The following TIMD4 variants were observed in gnomAD, a reference collection of about 807,000 sequenced individuals.
TIMD4 encodes the protein T cell immunoglobulin and mucin domain containing 4, also known as T-cell immunoglobulin and mucin domain-containing protein 4.
A neutral mutation model predicts 41.2 loss-of-function variants in TIMD4; 31 were observed. The ratio of observed to expected loss-of-function variants is 0.75; its 90% CI spans 0.57 to 1.01. The LOEUF (loss-of-function observed/expected upper bound fraction) is 1.01, where lower values mean the gene tolerates loss of function less well. Among genes scored for constraint, TIMD4 ranks in the 50% least tolerant of loss-of-function variants. The pLI, the probability that TIMD4 is intolerant of heterozygous loss-of-function variation, is 0.00. For synonymous variants in TIMD4, 204 were observed against 177.1 expected, an observed-to-expected ratio of 1.15 and a Z score of -1.21; for missense variants, 479 against 472.5, an observed-to-expected ratio of 1.01 and a Z score of -0.13.
intron 1 of TIMD4, among the ~76,000 whole-genome samples, chr5:156,960,819 G>A (rs987980036): frequency 6.6e-6 from 1 of 152,222 alleles, no homozygotes; most frequent in African/African-American, 2.4e-5. Context: ...AGAGTACCTA[G>A]GAAGATAGTC....
intron 5 of TIMD4, among the ~76,000 whole-genome samples, chr5:156,946,653 ATT>A (rs757799060): frequency 3.6e-5 from 5 of 139,734 alleles, no homozygotes; most frequent in Admixed American, 7.2e-5. Context: ...ATTTTTTTGT[ATT>A]TTTTTTTTTT....
intron 2 of TIMD4, among the ~76,000 whole-genome samples, chr5:156,953,320 A>C (rs1008739533): frequency 7.9e-5 from 12 of 152,174 alleles, no homozygotes; most frequent in African/African-American, 2.7e-4. Context: ...CATTTACATC[A>C]GTTGGCCTCA....
chr5:156,950,663 G>A (rs1349958782), intron 3 of TIMD4, among the ~76,000 whole-genome samples: 1 of 152,066 alleles, frequency 6.6e-6, no homozygotes, highest in Non-Finnish European at 1.5e-5. Context: ...CTCAGTGAGA[G>A]GTACAAGTTG....
chr5:156,931,346 C>A (rs1456240977), intron 5 of TIMD4, among the ~76,000 whole-genome samples: 2 of 152,128 alleles, frequency 1.3e-5, no homozygotes, highest in Non-Finnish European at 2.9e-5. Context: ...CTAAGACCTT[C>A]CAAAAGAACA....
chr5:156,959,447 A>C (rs1400728716), intron 1 of TIMD4, among the ~76,000 whole-genome samples: 1 of 152,204 alleles, frequency 6.6e-6, no homozygotes, highest in Non-Finnish European at 1.5e-5. Flanking sequence ...ATTAGAATTT[A>C]GAAATAAGAC....
At position 156,919,459 on chromosome 5, in the gene TIMD4, A is replaced by G; in HGVS notation, c.1135T>C (p.Ter379GlnextTer8). The stretch of plus-strand genomic sequence containing the variant: ...CAATCTAACATGCTACTGCGTTGTT[A>G]GAGGGTAAAAAGGCCGTCTTCGTCT... ...REDEDGLFTL* is the reference protein window; with the variant it reads ...REDEDGLFTLQ The change falls in exon 9 of 9, where the codon TAA (stop) becomes CAA (glutamine). Residue 379 changes from the stop codon to glutamine (Q), a stop_lost. Coordinates refer to ENST00000274532, the MANE Select transcript of TIMD4 (RefSeq NM_138379.3). 7 of 1,613,950 alleles carry G rather than the reference A, an allele frequency of 4.3e-6. No individual in the cohort carries two copies. The highest frequency in any genetic ancestry group is 5.9e-6 in the Non-Finnish European group (7 of 1,179,830).
chr5:156,959,775 C>T (rs1291135489), intron 1 of TIMD4, among the ~76,000 whole-genome samples: 1 of 152,152 alleles, frequency 6.6e-6, no homozygotes, highest in Non-Finnish European at 1.5e-5. Context: ...TGTGGTGGCT[C>T]ACACCTGTAA....
At chr5:156,923,026 T>C (rs1482255062) in intron 6 of TIMD4, among the ~76,000 whole-genome samples, 1 of 152,144 alleles carries the variant, frequency 6.6e-6, no homozygotes, top group Non-Finnish European at 1.5e-5. Context: ...AACTTGCACA[T>C]GTACCCCTGA....
chr5:156,935,376 GCA>G (rs1759521243), intron 5 of TIMD4: 1 of 152,166 alleles, frequency 6.6e-6, no homozygotes. Context: ...GAAAGTGGAA[GCA>G]CACATTTATT....
intron 5 of TIMD4, among the ~76,000 whole-genome samples, chr5:156,931,947 C>T (rs573911055): frequency 1.4e-5 from 2 of 147,448 alleles, no homozygotes; most frequent in South Asian, 4.5e-4. Flanking sequence ...TTCTGGATAT[C>T]TTTTTTCAAA....
chr5:156,955,482 C>T (rs1181137617), intron 1 of TIMD4, among the ~76,000 whole-genome samples: 1 of 152,122 alleles, frequency 6.6e-6, no homozygotes, highest in East Asian at 1.9e-4. Flanking sequence ...CAGTGAAACC[C>T]CGTCTCTACT....
intron 8 of TIMD4, 71 bp downstream of exon 8, chr5:156,920,393 C>T: frequency 1.3e-6 from 2 of 1,510,132 alleles, no homozygotes; most frequent in South Asian, 2.3e-5. Flanking sequence ...CATTAAACCA[C>T]TGAGTAGTAG....
chr5:156,953,334 T>G (rs1024063025), intron 2 of TIMD4, among the ~76,000 whole-genome samples: 1 of 152,086 alleles, frequency 6.6e-6, no homozygotes, highest in Non-Finnish European at 1.5e-5. Flanking sequence ...GGCCTCAAAT[T>G]TTAGAGTGCG....
intron 1 of TIMD4, 139 bp from the exon 2 acceptor site, chr5:156,954,895 TGATACAGGG>T: frequency 2.6e-6 from 2 of 768,334 alleles, no homozygotes; most frequent in Non-Finnish European, 4.1e-6. Context: ...TTTTTTTTTT[TGATACAGGG>T]TCTTGCTTTG....
chr5:156,921,975 G>C, intron 7 of TIMD4, 124 bp downstream of exon 7: 1 of 682,750 alleles, frequency 1.5e-6, no homozygotes, highest in Non-Finnish European at 2.4e-6. Context: ...GGCTGGGATG[G>C]GAACAATGGC....
chr5:156,929,520 G>A (rs1303286904), intron 5 of TIMD4, among the ~76,000 whole-genome samples: 6 of 152,170 alleles, frequency 3.9e-5, no homozygotes, highest in Non-Finnish European at 8.8e-5. Context: ...GTGTCCTTAA[G>A]AGAAGGGGTC....
intron 5 of TIMD4, among the ~76,000 whole-genome samples, chr5:156,940,744 A>T (rs111637054): frequency 6.6e-6 from 1 of 151,170 alleles, no homozygotes; most frequent in Non-Finnish European, 1.5e-5. Context: ...AAGTGAGGAG[A>T]GTCTCCACCC....
At chr5:156,946,395 G>A (rs1430420894) in intron 5 of TIMD4, among the ~76,000 whole-genome samples, 1 of 152,056 alleles carries the variant, frequency 6.6e-6, no homozygotes, top group Non-Finnish European at 1.5e-5. Flanking sequence ...GGGCCCCCTC[G>A]CATTTCATCC....
At chr5:156,924,877 G>T (rs1210733686) in intron 6 of TIMD4, among the ~76,000 whole-genome samples, 1 of 152,104 alleles carries the variant, frequency 6.6e-6, no homozygotes, top group Non-Finnish European at 1.5e-5. Flanking sequence ...GTTATCTTGG[G>T]TGATGCCATC....
Sources: allele counts gnomAD v4.1 joint callset (sites outside exome capture counted in the v4.1 genomes callset), GRCh38; gene constraint gnomAD v4.1.1; transcripts MANE v1.5; gene names NCBI Gene and HGNC (gene_info 2026-07-23, HGNC 2026-07-21).